The following GULP1 variants were observed in gnomAD, a reference collection of about 807,000 sequenced individuals.
GULP1 encodes GULP PTB domain containing engulfment adaptor 1.
GULP1 carries 19 observed loss-of-function variants against 40.9 expected under a neutral mutation model. That is an observed-to-expected ratio of 0.46 (90% confidence interval 0.32 to 0.68). The LOEUF (loss-of-function observed/expected upper bound fraction) is 0.68, where lower values mean the gene tolerates loss of function less well. GULP1 is among the 30% of genes least tolerant of loss of function. The pLI is 0.03. For synonymous variants in GULP1, 119 were observed against 117.6 expected, an observed-to-expected ratio of 1.01 and a Z score of -0.08; for missense variants, 312 against 362.2, an observed-to-expected ratio of 0.86 and a Z score of 1.12.
chr2:188,483,666 T>A (rs974832945), intron 4 of GULP1, among the ~76,000 whole-genome samples, 174 bp downstream of exon 4: 1 of 152,158 alleles, frequency 6.6e-6, no homozygotes, highest in Non-Finnish European at 1.5e-5. Context: ...TAGAATAGTT[T>A]CTCTTTTTAA....
chr2:188,458,247 T>C lies in GULP1; in HGVS notation c.-44-19412T>C, dbSNP rs73040472. On this transcript the variant is annotated intron_variant, in intron 2 of 11. Transcript: ENST00000409830. Reference sequence around the variant, plus strand: ...CCCTCATACTTTCTCAAAGAACTTCTTCTTGCATTTATGCTCTCTCTTTTC... The same window carrying C: ...CCCTCATACTTTCTCAAAGAACTTCCTCTTGCATTTATGCTCTCTCTTTTC... 2.6e-3 allele frequency among the ~76,000 whole-genome samples: 398 copies of C among 152,336 alleles called. 2 individuals are homozygous for C. The highest frequency in any genetic ancestry group is 9.1e-3 in the African/African-American group (377 of 41,578).
rs1014378584 is a variant in GULP1 at position 188,588,044 on chromosome 2, T to C, written c.843+95T>C. 3.9e-5 allele frequency: 30 copies of C among 763,480 alleles called. No homozygotes were observed. In the East Asian group the frequency reaches 7.7e-4, roughly 20 times the overall value. The allele number at this position is 763,480 out of a possible 1,614,324, so 47.3% of individuals were successfully genotyped here. A position where few individuals can be genotyped will look rare whatever the true frequency, so the allele number is the denominator to read the frequency against. ...GTACCAAAACTATGGTTTCCTTCAATTATTTTCGCTATAAAAACTCGCTTA... is the reference window on the plus strand; with the variant it reads ...GTACCAAAACTATGGTTTCCTTCAACTATTTTCGCTATAAAAACTCGCTTA... On this transcript the variant is annotated intron_variant, in intron 11 of 11. Coordinates refer to ENST00000409830, the MANE Select transcript of GULP1 (RefSeq NM_016315.4).
intron 7 of GULP1, among the ~76,000 whole-genome samples, chr2:188,544,568 C>T (rs553763135): frequency 1.3e-5 from 2 of 151,342 alleles, no homozygotes; most frequent in African/African-American, 4.9e-5. Flanking sequence ...TAAAAGAATA[C>T]TGAAAAATAA....
intron 4 of GULP1, among the ~76,000 whole-genome samples, chr2:188,512,846 AG>A (rs750903634): frequency 0.052 from 164 of 3,142 alleles, no homozygotes; most frequent in Non-Finnish European, 0.1. Flanking sequence ...TTAAAAGAGA[AG>A]TCTTTGTTTT....
At chr2:188,573,429 G>A (rs918769370) in intron 9 of GULP1, among the ~76,000 whole-genome samples, 4 of 152,146 alleles carry the variant, frequency 2.6e-5, no homozygotes, top group African/African-American at 9.7e-5. Flanking sequence ...ATAATAAAAT[G>A]TGAATTTAAA....
In GULP1 at chr2:188,592,624, T is replaced by C. The variant is rs999041838; in HGVS notation, c.844-1316T>C. On this transcript the variant is annotated intron_variant, in intron 11 of 11. Coordinates refer to ENST00000409830, the MANE Select transcript of GULP1 (RefSeq NM_016315.4). ...CACTGTAATTGCTATATAGTAGTAG[T>C]CTCTGTGCTGTAAACATAAAGAATA... The C allele has an allele frequency of 2.0e-4, 31 of 152,058 alleles. 1 individual carries two copies. Among genetic ancestry groups the C allele is most frequent in the Non-Finnish European group, 1.5e-5 (1 of 67,940 alleles). 9.4% of individuals were successfully genotyped at this position (152,058 alleles called of 1,614,324 possible).
At chr2:188,535,957 C>T (rs990371775) in intron 6 of GULP1, among the ~76,000 whole-genome samples, 4 of 152,016 alleles carry the variant, frequency 2.6e-5, no homozygotes, top group Non-Finnish European at 5.9e-5. Context: ...TGATGTGGAG[C>T]ATTTTTTTCA....
intron 2 of GULP1, among the ~76,000 whole-genome samples, chr2:188,455,915 T>C (rs1315947821): frequency 6.6e-6 from 1 of 152,202 alleles, no homozygotes; most frequent in Non-Finnish European, 1.5e-5. Context: ...AGGAGGAACT[T>C]GTTAGGAACT....
chr2:188,493,177 C>T (rs1448237160), intron 4 of GULP1, among the ~76,000 whole-genome samples: 5 of 152,008 alleles, frequency 3.3e-5, no homozygotes, highest in Admixed American at 6.6e-5. Flanking sequence ...AATGACCCAA[C>T]GACTTGGAAG....
chr2:188,341,375 A>C (rs2042945607), intron 1 of GULP1, among the ~76,000 whole-genome samples: 1 of 152,096 alleles, frequency 6.6e-6, no homozygotes. Context: ...ATGATGCTAA[A>C]CCATTCATGA....
chr2:188,585,575 G>A (rs748111156), intron 10 of GULP1, among the ~76,000 whole-genome samples: 8 of 152,186 alleles, frequency 5.3e-5, no homozygotes, highest in Non-Finnish European at 1.0e-4. Context: ...AGCCACCAAG[G>A]CTTAGGGCTT....
chr2:188,463,025 G>A (rs1048057013), intron 2 of GULP1, among the ~76,000 whole-genome samples: 2 of 151,930 alleles, frequency 1.3e-5, no homozygotes, highest in Non-Finnish European at 2.9e-5. Context: ...TCATTGTTTA[G>A]TTTTTGTACT....
intron 7 of GULP1, among the ~76,000 whole-genome samples, chr2:188,567,307 T>C (rs1360781800): frequency 6.6e-6 from 1 of 152,214 alleles, no homozygotes; most frequent in East Asian, 1.9e-4. Context: ...ATACAAATCA[T>C]GCTACTATAA....
intron 2 of GULP1, among the ~76,000 whole-genome samples, chr2:188,425,352 A>G (rs2056041822): frequency 1.3e-5 from 2 of 151,852 alleles, no homozygotes; most frequent in Admixed American, 6.5e-5. Flanking sequence ...ATTCTAATCC[A>G]TGGTTTGTTA....
At chr2:188,510,059 G>A (rs1048224878) in intron 4 of GULP1, among the ~76,000 whole-genome samples, 4 of 152,016 alleles carry the variant, frequency 2.6e-5, no homozygotes, top group African/African-American at 9.7e-5. Flanking sequence ...GAAAGATGAG[G>A]GGTGCTAGAG....
At chr2:188,589,944 C>T (rs1271051758) in intron 11 of GULP1, 5 of 356,296 alleles carry the variant, frequency 1.4e-5, no homozygotes, top group African/African-American at 4.3e-5. Flanking sequence ...GTCACTATTG[C>T]ATTGTTCACT....
chr2:188,513,284 T>C (rs1424491186), intron 4 of GULP1, among the ~76,000 whole-genome samples: 1 of 152,164 alleles, frequency 6.6e-6, no homozygotes, highest in African/African-American at 2.4e-5. Context: ...AATGACTACA[T>C]CTTACCTTTT....
intron 6 of GULP1, among the ~76,000 whole-genome samples, chr2:188,531,234 G>GT (rs1156703038): frequency 1.3e-5 from 2 of 152,216 alleles, no homozygotes; most frequent in African/African-American, 4.8e-5. Flanking sequence ...GCACATTAAA[G>GT]TTTGAGGGGA....
chr2:188,521,273 C>T (rs2065746941), intron 4 of GULP1, among the ~76,000 whole-genome samples: 1 of 152,092 alleles, frequency 6.6e-6, no homozygotes, highest in Non-Finnish European at 1.5e-5. Flanking sequence ...TACTAGACTT[C>T]TGTTTAGGAG....
Sources: allele counts gnomAD v4.1 joint callset (sites outside exome capture counted in the v4.1 genomes callset), GRCh38; gene constraint gnomAD v4.1.1; transcripts MANE v1.5; gene names NCBI Gene and HGNC (gene_info 2026-07-23, HGNC 2026-07-21).